The following RBFOX1 variants were observed in gnomAD, a reference collection of about 807,000 sequenced individuals.
The protein encoded by RBFOX1 is RNA binding protein fox-1 homolog 1.
RBFOX1 carries 8 observed loss-of-function variants against 57.7 expected under a neutral mutation model. That is an observed-to-expected ratio of 0.14 (90% confidence interval 0.08 to 0.25). The LOEUF is 0.25. RBFOX1 is among the 10% of genes least tolerant of loss of function. The pLI, the probability that RBFOX1 is intolerant of heterozygous loss-of-function variation, is 1.00. For synonymous variants in RBFOX1, 326 were observed against 222.4 expected (o/e 1.47, Z -4.15); for missense variants, 611 against 548.5 (o/e 1.11, Z -1.14).
intron 2 of RBFOX1, among the ~76,000 whole-genome samples, chr16:6,366,055 T>C (rs1568028719): frequency 6.6e-6 from 1 of 151,432 alleles, no homozygotes; most frequent in Admixed American, 6.6e-5. Context: ...GACTTTCATA[T>C]GGTCTCTGGT....
intron 1 of RBFOX1, among the ~76,000 whole-genome samples, chr16:5,337,751 G>A (rs1472138423): frequency 2.0e-5 from 3 of 152,154 alleles, no homozygotes; most frequent in Admixed American, 6.5e-5. Context: ...AACAGTTGTG[G>A]CCATTGACTG....
At chr16:7,233,546 A>G (rs921637941) in intron 4 of RBFOX1, among the ~76,000 whole-genome samples, 1 of 152,132 alleles carries the variant, frequency 6.6e-6, no homozygotes. Flanking sequence ...AAGTCCTGAA[A>G]ATTTTACAAA....
At chr16:7,216,998 C>T (rs114178038) in intron 4 of RBFOX1, among the ~76,000 whole-genome samples, 20,303 of 101,346 alleles carry the variant, frequency 0.2, 2,254 homozygotes, top group African/African-American at 0.36. Context: ...CTTCCTTCCT[C>T]CCTCCCTCCC....
chr16:6,107,720 T>TGTGGGTGG (rs145408046), intron 1 of RBFOX1, among the ~76,000 whole-genome samples: 4 of 79,374 alleles, frequency 5.0e-5, no homozygotes, highest in South Asian at 5.7e-4. Flanking sequence ...TGGATGGATT[T>TGTGGGTGG]GTGGGTGGGT....
chr16:5,370,678 A>T (rs183886057), intron 1 of RBFOX1, among the ~76,000 whole-genome samples: 1 of 151,420 alleles, frequency 6.6e-6, no homozygotes, highest in Non-Finnish European at 1.5e-5. Context: ...TATGTTTTGT[A>T]GAGACAGAGT....
intron 1 of RBFOX1, among the ~76,000 whole-genome samples, chr16:6,283,292 C>G (rs981603305): frequency 1.3e-5 from 2 of 152,040 alleles, no homozygotes; most frequent in African/African-American, 4.8e-5. Flanking sequence ...GCACTCTGTA[C>G]CCAACCTGGA....
At chr16:7,085,068 A>G (rs1028100549) in intron 4 of RBFOX1, among the ~76,000 whole-genome samples, 9 of 151,790 alleles carry the variant, frequency 5.9e-5, no homozygotes, top group Non-Finnish European at 1.0e-4. Context: ...TTATATTGTA[A>G]AAGTTCTATA....
At chr16:6,753,930 T>A (rs2075371147) in intron 3 of RBFOX1, among the ~76,000 whole-genome samples, 1 of 152,138 alleles carries the variant, frequency 6.6e-6, no homozygotes, top group Non-Finnish European at 1.5e-5. Context: ...GTTTGAATGC[T>A]TAATTACTGA....
At chr16:5,598,935 G>A (rs1178664706) in exon 3 of RBFOX1, 52 of 1,532,554 alleles carry the variant, frequency 3.4e-5, no homozygotes, top group Non-Finnish European at 4.0e-5. Flanking sequence ...CCTCCTCCCC[G>A]GTGCCAAGAA....
chr16:7,411,424 G>A (rs2098423965), intron 4 of RBFOX1, among the ~76,000 whole-genome samples: 1 of 152,152 alleles, frequency 6.6e-6, no homozygotes, highest in African/African-American at 2.4e-5. Context: ...TTTCAGAGAG[G>A]AGACAGGGCC....
At chr16:6,987,880 A>G (rs1599280179) in intron 3 of RBFOX1, among the ~76,000 whole-genome samples, 1 of 152,292 alleles carries the variant, frequency 6.6e-6, no homozygotes, top group East Asian at 1.9e-4. Context: ...GCCACATTTT[A>G]TCCCTATTCG....
chr16:6,322,018 C>A (rs1189517752), intron 2 of RBFOX1, among the ~76,000 whole-genome samples: 1 of 152,194 alleles, frequency 6.6e-6, no homozygotes, highest in Non-Finnish European at 1.5e-5. Context: ...CCCATGGGCA[C>A]CACTCTCTTC....
At chr16:6,950,412 C>A (rs141678749) in intron 3 of RBFOX1, among the ~76,000 whole-genome samples, 1 of 152,120 alleles carries the variant, frequency 6.6e-6, no homozygotes, top group Non-Finnish European at 1.5e-5. Flanking sequence ...CCAGCATGCA[C>A]TGAGAACAGG....
At chr16:6,726,659 A>C (rs901643559) in intron 3 of RBFOX1, among the ~76,000 whole-genome samples, 3 of 152,092 alleles carry the variant, frequency 2.0e-5, no homozygotes, top group African/African-American at 4.8e-5. Context: ...TGCCCAGAGA[A>C]CTAGCTTGCT....
intron 4 of RBFOX1, among the ~76,000 whole-genome samples, chr16:7,292,012 T>A (rs1349737957): frequency 7.1e-6 from 1 of 141,496 alleles, no homozygotes; most frequent in African/African-American, 2.7e-5. Flanking sequence ...ATGTATTATA[T>A]ATTGTATATA....
At chr16:7,532,881 C>T (rs530288066) in intron 5 of RBFOX1, among the ~76,000 whole-genome samples, 34 of 152,312 alleles carry the variant, frequency 2.2e-4, no homozygotes, top group African/African-American at 4.8e-4. Context: ...TGGCAACCCC[C>T]GATCTAGGCC....
chr16:6,029,244 G>C (rs569772208), intron 1 of RBFOX1, among the ~76,000 whole-genome samples: 2 of 152,268 alleles, frequency 1.3e-5, no homozygotes, highest in African/African-American at 4.8e-5. Flanking sequence ...TATTGGTTTT[G>C]TCTGTGTAAA....
intron 3 of RBFOX1, among the ~76,000 whole-genome samples, chr16:5,618,034 C>T (rs1478084607): frequency 6.6e-6 from 1 of 152,174 alleles, no homozygotes; most frequent in Non-Finnish European, 1.5e-5. Flanking sequence ...ATAAATTATA[C>T]AAATCTGGAG....
intron 4 of RBFOX1, among the ~76,000 whole-genome samples, chr16:7,098,767 T>G (rs1484712552): frequency 6.6e-6 from 1 of 152,078 alleles, no homozygotes; most frequent in African/African-American, 2.4e-5. Flanking sequence ...CTGGGCAACA[T>G]AGTGAGACCC....
Sources: allele counts gnomAD v4.1 joint callset (sites outside exome capture counted in the v4.1 genomes callset), GRCh38; gene constraint gnomAD v4.1.1; transcripts MANE v1.5; gene names NCBI Gene and HGNC (gene_info 2026-07-23, HGNC 2026-07-21).